Variants in RBM25 observed in about 807,000 individuals in gnomAD.
RBM25 encodes RNA-binding protein 25.
Under a neutral mutation model 120.7 loss-of-function variants are expected in RBM25, and 19 were observed. The observed-to-expected ratio is 0.16, with a 90% CI of 0.11 to 0.23. The LOEUF (loss-of-function observed/expected upper bound fraction) is 0.23. RBM25 is among the 10% of genes least tolerant of loss of function. RBM25 has a pLI of 1.00. For missense variants in RBM25, 605 were observed against 1,041.5 expected (o/e 0.58, Z 5.77); for synonymous variants, 390 against 326.7 (o/e 1.19, Z -2.09).
intron 2 of RBM25, among the ~76,000 whole-genome samples, 168 bp from the exon 3 acceptor site, chr14:73,076,151 C>T (rs1352140111): frequency 6.6e-6 from 1 of 152,134 alleles, no homozygotes. Context: ...TATGGACCAA[C>T]CTGATACCAC....
Position 73,105,841 on chromosome 14 carries a change from A to C in RBM25, c.1155-18A>C. 3.1e-6 allele frequency: 5 copies of C among 1,600,104 alleles called. No homozygotes were observed. Among genetic ancestry groups the C allele is most frequent in the Non-Finnish European group, 3.4e-6 (4 of 1,174,252 alleles). ...GAAAGTAGACTGACAGATTTGTAAAATATTTTGTTTACATTAGAGAAAAAA... is the reference window on the plus strand; with the variant it reads ...GAAAGTAGACTGACAGATTTGTAAACTATTTTGTTTACATTAGAGAAAAAA... On this transcript the variant is annotated intron_variant, in intron 10 of 18. Transcript: ENST00000261973.
intron 1 of RBM25, among the ~76,000 whole-genome samples, chr14:73,061,120 C>T (rs1268965862): frequency 6.7e-6 from 1 of 149,416 alleles, no homozygotes; most frequent in Non-Finnish European, 1.5e-5. Flanking sequence ...TGTAGTGGCG[C>T]GATCTCACCT....
At chr14:73,090,521 T>A (rs1011608731) in intron 6 of RBM25, among the ~76,000 whole-genome samples, 1 of 152,202 alleles carries the variant, frequency 6.6e-6, no homozygotes, top group Non-Finnish European at 1.5e-5. Flanking sequence ...TGAAATTCTA[T>A]CCATACTTAT....
intron 8 of RBM25, 95 bp downstream of exon 8, chr14:73,099,528 A>C: frequency 1.3e-6 from 2 of 1,583,304 alleles, no homozygotes; most frequent in South Asian, 2.3e-5. Context: ...ATTTAACTTT[A>C]GATTGTTAGA....
intron 1 of RBM25, chr14:73,068,078 C>T (rs1895184559): frequency 3.5e-6 from 2 of 576,366 alleles, no homozygotes; most frequent in African/African-American, 1.9e-5. Context: ...GATCACTAAG[C>T]ACATGAGCTA....
chr14:73,109,178 A>G (rs936008488), intron 13 of RBM25, 164 bp from the exon 14 acceptor site: 3 of 644,974 alleles, frequency 4.7e-6, no homozygotes, highest in African/African-American at 3.7e-5. Context: ...ATTTACATGT[A>G]GAGAGCACAC....
At chr14:73,095,850 G>A (rs1895930652) in intron 6 of RBM25, among the ~76,000 whole-genome samples, 1 of 152,224 alleles carries the variant, frequency 6.6e-6, no homozygotes, top group South Asian at 2.1e-4. Flanking sequence ...AATGTGCACG[G>A]TATATGTTTA....
chr14:73,060,439 C>A (rs954293985), intron 1 of RBM25, among the ~76,000 whole-genome samples: 9 of 151,436 alleles, frequency 5.9e-5, no homozygotes, highest in African/African-American at 2.2e-4. Flanking sequence ...TGTCCACAGA[C>A]AAATTAGCAG....
At chr14:73,087,961 G>C (rs187279531) in intron 5 of RBM25, 40 bp from the exon 6 acceptor site, 3 of 1,576,766 alleles carry the variant, frequency 1.9e-6, no homozygotes, top group Non-Finnish European at 2.6e-6. Context: ...TCTTTTGTAA[G>C]TGAATTGGTA....
In RBM25 at chr14:73,107,772, G is replaced by A. The variant is rs533342984; in HGVS notation, c.1468-54G>A. The A allele has an allele frequency of 6.1e-6, 8 of 1,306,020 alleles. No homozygotes were observed. In the Admixed American group the frequency reaches 1.6e-4, roughly 25 times the overall value. 80.9% of individuals were successfully genotyped at this position (1,306,020 alleles called of 1,614,324 possible). On this transcript the variant is annotated intron_variant, in intron 12 of 18. Transcript: ENST00000261973. ...ATCTGTTTACACAAAAAAGGGAAGA[G>A]TAATCTTTATTACTTGTATGTTAAT... is the stretch of plus-strand genomic sequence containing the variant.
In RBM25 at chr14:73,123,424, A is replaced by G. The variant is rs1265687470; in HGVS notation, c.*3619A>G. 1 of 152,158 alleles carries G rather than the reference A, an allele frequency of 6.6e-6. No individual in the cohort carries two copies. The highest frequency in any genetic ancestry group is 1.5e-5 in the Non-Finnish European group (1 of 68,016). The allele number at this position is 152,158 out of a possible 1,614,324, so 9.4% of individuals were successfully genotyped here. A position where few individuals can be genotyped will look rare whatever the true frequency, so the allele number is the denominator to read the frequency against. ...GAGGTTTTATGTCAAATTGATTACA[A>G]ACTTCTCTGGGTTGTATTTCAGTCT... On this transcript the variant is annotated 3_prime_UTR_variant, in exon 19 of 19. Transcript: ENST00000261973.
chr14:73,078,548 T>C (rs1428034728), intron 4 of RBM25, among the ~76,000 whole-genome samples: 1 of 152,158 alleles, frequency 6.6e-6, no homozygotes, highest in Admixed American at 6.6e-5. Context: ...CATATTTAAT[T>C]TTCCCAGTAA....
intron 10 of RBM25, among the ~76,000 whole-genome samples, chr14:73,103,948 TCACACACACACACACACACA>T (rs368961634): frequency 6.6e-5 from 6 of 91,348 alleles, no homozygotes; most frequent in Admixed American, 4.6e-4. Flanking sequence ...TCTCTCTCTC[TCACACACACACACACACACA>T]CACACACACA....
rs375281331 is a variant in RBM25, at chr14:73,110,871, A to T, written c.1733A>T (p.Lys578Met). ...GAGAGGCGCAGGCAGCCACAAATAA[A>T]GCAAGAGCCAGAATCAGAAGAGGAG... ...EAERRRQPQI[K>M]QEPESEEEEE... The change falls in exon 15 of 19, where the codon AAG (lysine) becomes ATG (methionine). Residue 578 changes from lysine (K) to methionine (M), a missense_variant. Lys to Met is a moderately conservative substitution (Grantham distance 95). This residue lies in a region of RBM25 where 465 missense variants were observed against 741.6 expected (regional missense o/e 0.63). Transcript: ENST00000261973. 2 of 1,612,092 alleles carry T rather than the reference A, an allele frequency of 1.2e-6. No homozygotes were observed. The highest frequency in any genetic ancestry group is 1.3e-5 in the African/African-American group (1 of 74,568).
chr14:73,089,773 T>C (rs1895769619), intron 6 of RBM25, among the ~76,000 whole-genome samples: 1 of 151,256 alleles, frequency 6.6e-6, no homozygotes, highest in Non-Finnish European at 1.5e-5. Context: ...TTCAAGTGAT[T>C]CTCCCTCCTC....
chr14:73,074,605 T>G (rs555770173), intron 2 of RBM25, among the ~76,000 whole-genome samples: 167 of 152,246 alleles, frequency 1.1e-3, no homozygotes, highest in Non-Finnish European at 2.1e-3. Flanking sequence ...TAAGCTTAAT[T>G]GCTTGTTTAG....
chr14:73,116,083 T>A (rs78927601), intron 18 of RBM25, among the ~76,000 whole-genome samples: 1 of 152,064 alleles, frequency 6.6e-6, no homozygotes, highest in Non-Finnish European at 1.5e-5. Flanking sequence ...TTTTTTTTTT[T>A]ACCAAGAAAG....
chr14:73,091,646 A>G (rs1417648796), intron 6 of RBM25, among the ~76,000 whole-genome samples: 1 of 152,036 alleles, frequency 6.6e-6, no homozygotes, highest in Non-Finnish European at 1.5e-5. Flanking sequence ...CCGAGGTCGG[A>G]GGATCACCTG....
intron 1 of RBM25, among the ~76,000 whole-genome samples, chr14:73,062,124 A>G (rs1186986421): frequency 6.6e-6 from 1 of 151,438 alleles, no homozygotes; most frequent in African/African-American, 2.4e-5. Flanking sequence ...GACTATAGGC[A>G]GGCACAGGAG....
Sources: gnomAD v4.1 joint callset for allele counts (sites outside exome capture counted in the v4.1 genomes callset) on GRCh38, gnomAD v4.1.1 for gene constraint, gnomAD v4.1.1 regional missense constraint, MANE v1.5 for transcripts, NCBI Gene and HGNC (gene_info 2026-07-23, HGNC 2026-07-21) for gene names.